PRTFDC1: variants seen among roughly 807,000 people sequenced by gnomAD.
PRTFDC1 encodes phosphoribosyl transferase domain containing 1, also known as phosphoribosyltransferase domain-containing protein 1.
Under a neutral mutation model 34.6 loss-of-function variants are expected in PRTFDC1, and 38 were observed. The ratio of observed to expected loss-of-function variants is 1.10; its 90% CI spans 0.85 to 1.44. The LOEUF is 1.44. Among genes scored for constraint, PRTFDC1 ranks in the 40% most tolerant of loss-of-function variants. The probability of loss-of-function intolerance (pLI) is 0.00; values close to 1 mark genes in which losing one functional copy is unlikely to be tolerated. For missense variants in PRTFDC1, 270 were observed against 283.0 expected, an observed-to-expected ratio of 0.95 and a Z score of 0.33; for synonymous variants, 93 against 98.1, an observed-to-expected ratio of 0.95 and a Z score of 0.31.
chr10:24,862,937 G>A lies in PRTFDC1; in HGVS notation c.406-4528C>T, dbSNP rs184248336. ...CTGTTGCCCAGGCTGGAGTGCAGTG[G>A]CACAATCTCGGCTCACAGCAACCTC... On this transcript the variant is annotated intron_variant, in intron 4 of 8. Coordinates refer to ENST00000320152, the MANE Select transcript of PRTFDC1 (RefSeq NM_020200.7). 1.9e-3 allele frequency among the ~76,000 whole-genome samples: 286 copies of A among 152,120 alleles called. 2 individuals carry two copies. Among genetic ancestry groups the A allele is most frequent in the Non-Finnish European group, 3.0e-3 (202 of 67,996 alleles).
intron 3 of PRTFDC1, among the ~76,000 whole-genome samples, chr10:24,935,272 TATA>T (rs1489104979): frequency 6.6e-6 from 1 of 151,696 alleles, no homozygotes; most frequent in Non-Finnish European, 1.5e-5. Flanking sequence ...CAGGGACAAA[TATA>T]ATAAGGGTCA....
intron 3 of PRTFDC1, among the ~76,000 whole-genome samples, chr10:24,910,038 G>A (rs1036732783): frequency 6.6e-6 from 1 of 151,550 alleles, no homozygotes; most frequent in African/African-American, 2.4e-5. Context: ...GTACATGCCT[G>A]TAACCCCAGC....
intron 3 of PRTFDC1, among the ~76,000 whole-genome samples, chr10:24,933,499 A>G (rs1206089364): frequency 6.6e-6 from 1 of 152,210 alleles, no homozygotes; most frequent in African/African-American, 2.4e-5. Flanking sequence ...ACTATGTTCA[A>G]ATCATCATTT....
chr10:24,879,299 C>G lies in PRTFDC1; in HGVS notation c.340-7236G>C, dbSNP rs146907874. ...GGGTCAGTGAAGCTCTCGCACTGTC[C>G]CTTGCTTCCACCAGAGCTGTTCTAC... On this transcript the variant is annotated intron_variant, in intron 3 of 8. Coordinates refer to ENST00000320152, the MANE Select transcript of PRTFDC1 (RefSeq NM_020200.7). Among the ~76,000 whole-genome samples, 433 of 152,094 alleles carry G rather than the reference C, an allele frequency of 2.8e-3. 4 individuals carry two copies. Among genetic ancestry groups the G allele is most frequent in the African/African-American group, 0.01 (423 of 41,516 alleles).
At chr10:24,851,324 A>C (rs560399421) in intron 8 of PRTFDC1, 64 bp downstream of exon 8, 4 of 1,574,372 alleles carry the variant, frequency 2.5e-6, no homozygotes, top group Non-Finnish European at 3.4e-6. Context: ...CACGCATTCA[A>C]TACTTTTTTA....
chr10:24,872,665 T>G (rs940490630), intron 3 of PRTFDC1, among the ~76,000 whole-genome samples: 2 of 150,396 alleles, frequency 1.3e-5, no homozygotes, highest in Admixed American at 1.3e-4. Context: ...AATATGACAC[T>G]CAGAACTATA....
intron 3 of PRTFDC1, among the ~76,000 whole-genome samples, chr10:24,925,676 T>C (rs1848860548): frequency 6.9e-6 from 1 of 144,366 alleles, no homozygotes; most frequent in African/African-American, 2.8e-5. Context: ...CAGGCATCTG[T>C]TGTGATTAAT....
chr10:24,951,530 T>A, intron 1 of PRTFDC1: 1 of 983,216 alleles, frequency 1.0e-6, no homozygotes. Flanking sequence ...TGTGACACGT[T>A]TCCCTCCCCA....
intron 3 of PRTFDC1, among the ~76,000 whole-genome samples, chr10:24,880,869 T>TTCTTTCTTTCTTTCTTTC: frequency 6.8e-6 from 1 of 146,606 alleles, no homozygotes; most frequent in South Asian, 2.1e-4. Flanking sequence ...CTTTCTTTCT[T>TTCTTTCTTTCTTTCTTTC]TCTTTCTTTC....
intron 3 of PRTFDC1, among the ~76,000 whole-genome samples, chr10:24,928,622 T>G (rs1319193000): frequency 6.6e-6 from 1 of 152,032 alleles, no homozygotes; most frequent in African/African-American, 2.4e-5. Flanking sequence ...TTTTGTATTT[T>G]TAGTAGAGAT....
At chr10:24,905,329 T>C (rs1019162606) in intron 3 of PRTFDC1, among the ~76,000 whole-genome samples, 1 of 147,238 alleles carries the variant, frequency 6.8e-6, no homozygotes, top group Non-Finnish European at 1.5e-5. Flanking sequence ...TTTTTTTTTT[T>C]TTTTTTTTTT....
chr10:24,927,778 C>T (rs1354635812), intron 3 of PRTFDC1, among the ~76,000 whole-genome samples: 3 of 152,006 alleles, frequency 2.0e-5, no homozygotes, highest in South Asian at 2.1e-4. Context: ...GGTGAGGTTT[C>T]ACCATGTTGG....
chr10:24,924,431 C>T (rs940153001), intron 3 of PRTFDC1, among the ~76,000 whole-genome samples: 89 of 152,204 alleles, frequency 5.8e-4, no homozygotes, highest in African/African-American at 2.1e-3. Context: ...CAAAGGGAAG[C>T]CCATCAGACT....
At chr10:24,863,827 G>A (rs1847727044) in intron 4 of PRTFDC1, among the ~76,000 whole-genome samples, 1 of 152,002 alleles carries the variant, frequency 6.6e-6, no homozygotes, top group South Asian at 2.1e-4. Flanking sequence ...GGTAATCCTA[G>A]CACTTTGGGA....
chr10:24,858,406 C>T lies in PRTFDC1; in HGVS notation c.409G>A (p.Val137Ile). The change falls in exon 5 of 9, where the codon GTT (valine) becomes ATT (isoleucine). Residue 137 changes from valine to isoleucine, a missense_variant. Transcript: ENST00000320152. ...DDLSTLAGKN[V>I]LIVEDVVGTG... ...TGCCAGCTTACCTCAACAATGAGAA[C>T]ATTCTGAAATAAACAAAACCCATAT... 6.2e-7 allele frequency: 1 copy of T among 1,613,346 alleles called. No homozygotes were observed. Among genetic ancestry groups the T allele is most frequent in the Non-Finnish European group, 8.5e-7 (1 of 1,179,388 alleles).
chr10:24,914,700 A>G (rs1848670061), intron 3 of PRTFDC1, among the ~76,000 whole-genome samples: 1 of 152,220 alleles, frequency 6.6e-6, no homozygotes, highest in Admixed American at 6.5e-5. Flanking sequence ...TGTTTCTTCC[A>G]AGGTCTAGGC....
At chr10:24,893,439 C>T (rs1463094111) in intron 3 of PRTFDC1, among the ~76,000 whole-genome samples, 1 of 151,738 alleles carries the variant, frequency 6.6e-6, no homozygotes, top group African/African-American at 2.4e-5. Flanking sequence ...CAGGCGAGTG[C>T]CACCACAACC....
chr10:24,942,098 T>C (rs940737989), intron 2 of PRTFDC1, among the ~76,000 whole-genome samples: 2 of 152,238 alleles, frequency 1.3e-5, no homozygotes, highest in Admixed American at 6.5e-5. Flanking sequence ...TAATAGCTTA[T>C]GTATGTATAT....
At position 24,952,481 on chromosome 10, in the gene PRTFDC1, G is replaced by A; in HGVS notation, c.48+47C>T. ...TTTAATCTACAAGCAGGGTGCCAGGGAGGGAGGGGAGCGGGCCGAGCCCCA... is the reference window on the plus strand; with the variant it reads ...TTTAATCTACAAGCAGGGTGCCAGGAAGGGAGGGGAGCGGGCCGAGCCCCA... On this transcript the variant is annotated intron_variant, in intron 1 of 8. Coordinates refer to ENST00000320152, the MANE Select transcript of PRTFDC1 (RefSeq NM_020200.7). This position sits in a 1 kb window ranked among gnomAD's most constrained non-coding sequence, Gnocchi z 5.1. 6.5e-7 allele frequency: 1 copy of A among 1,545,062 alleles called. No individual in the cohort carries two copies. The highest frequency in any genetic ancestry group is 8.8e-7 in the Non-Finnish European group (1 of 1,137,858).
Sources: gnomAD v4.1 joint callset for allele counts (sites outside exome capture counted in the v4.1 genomes callset) on GRCh38, gnomAD v4.1.1 for gene constraint, Gnocchi (gnomAD v3.1) non-coding constraint, MANE v1.5 for transcripts, NCBI Gene and HGNC (gene_info 2026-07-23, HGNC 2026-07-21) for gene names.